TTLL5: variants seen among roughly 807,000 people sequenced by gnomAD.
The protein encoded by TTLL5 is tubulin polyglutamylase TTLL5.
Under a neutral mutation model 168.4 loss-of-function variants are expected in TTLL5, and 132 were observed. The ratio of observed to expected loss-of-function variants is 0.78; its 90% confidence interval spans 0.68 to 0.91. TTLL5 has a LOEUF of 0.91. Among genes scored for constraint, TTLL5 ranks in the 40% least tolerant of loss-of-function variants. The pLI, the probability that TTLL5 is intolerant of heterozygous loss-of-function variation, is 0.00. For synonymous variants in TTLL5, 546 were observed against 558.6 expected, an observed-to-expected ratio of 0.98 and a Z score of 0.32; for missense variants, 1,545 against 1,581.5, an observed-to-expected ratio of 0.98 and a Z score of 0.39.
rs567264231 is a variant in TTLL5 at position 75,779,777 on chromosome 14, A to G, written c.2515+75A>G. 1,556 of 1,473,278 alleles carry G rather than the reference A, an allele frequency of 1.1e-3. 1 individual carries two copies. The highest frequency in any genetic ancestry group is 1.4e-3 in the Admixed American group (68 of 47,674). The allele number at this position is 1,473,278 out of a possible 1,614,324, so 91.3% of individuals were successfully genotyped here. A position where few individuals can be genotyped will look rare whatever the true frequency, so the allele number is the denominator to read the frequency against. Reference sequence around the variant, plus strand: ...TGAGAAATGCAAAGGAGAATGAGGAATAATGTGTTGGCTAAGCACTAATAG... The same window carrying G: ...TGAGAAATGCAAAGGAGAATGAGGAGTAATGTGTTGGCTAAGCACTAATAG... On this transcript the variant is annotated intron_variant, in intron 24 of 31. Coordinates refer to ENST00000298832, the MANE Select transcript of TTLL5 (RefSeq NM_015072.5).
At chr14:75,667,069 T>C (rs1410052565) in intron 2 of TTLL5, among the ~76,000 whole-genome samples, 1 of 145,118 alleles carries the variant, frequency 6.9e-6, no homozygotes, top group East Asian at 2.0e-4. Context: ...CCTTAAGTGC[T>C]TTTTTTTTTT....
rs377388883 is a variant in TTLL5, at chr14:75,863,715, C to T, written c.3375C>T (p.Asn1125=). The stretch of plus-strand genomic sequence containing the variant: ...CCTGGGAAGGAGAAGTAGAAAACAA[C>T]GTGTACAGCCAGGCTACAGGGGTGG... ...GFAWEGEVEN[N]VYSQATGVVP... The change falls in exon 29 of 32, where the codon AAC becomes AAT. Residue 1125 remains asparagine, a synonymous_variant. Coordinates refer to ENST00000298832, the MANE Select transcript of TTLL5 (RefSeq NM_015072.5). 50 of 1,611,814 alleles carry T rather than the reference C, an allele frequency of 3.1e-5. No homozygotes were observed. The highest frequency in any genetic ancestry group is 1.7e-4 in the Middle Eastern group (1 of 5,942).
intron 27 of TTLL5, among the ~76,000 whole-genome samples, chr14:75,813,583 G>A (rs541002007): frequency 5.9e-5 from 9 of 152,252 alleles, no homozygotes; most frequent in African/African-American, 2.2e-4. Context: ...TATTACAGGT[G>A]TGAGCCACCG....
intron 28 of TTLL5, among the ~76,000 whole-genome samples, chr14:75,853,150 C>T (rs1280528090): frequency 2.0e-5 from 3 of 152,174 alleles, no homozygotes; most frequent in African/African-American, 7.2e-5. Flanking sequence ...CTTTCAGAGC[C>T]AACCATTCTT....
At chr14:75,860,986 C>A (rs2029932183) in intron 28 of TTLL5, among the ~76,000 whole-genome samples, 1 of 152,162 alleles carries the variant, frequency 6.6e-6, no homozygotes, top group Non-Finnish European at 1.5e-5. Flanking sequence ...TCAGTGCTCA[C>A]CATGTTTCTC....
chr14:75,928,734 G>A (rs1257907692), intron 31 of TTLL5, among the ~76,000 whole-genome samples: 1 of 152,010 alleles, frequency 6.6e-6, no homozygotes, highest in Non-Finnish European at 1.5e-5. Context: ...CTTCTGTCCT[G>A]GGCTGTCCCC....
chr14:75,926,020 G>A (rs1379823625), intron 31 of TTLL5, among the ~76,000 whole-genome samples: 1 of 151,548 alleles, frequency 6.6e-6, no homozygotes, highest in Non-Finnish European at 1.5e-5. Flanking sequence ...GCTTCGCCTT[G>A]GCATCAGAGG....
At chr14:75,672,972 T>C (rs1470289188) in intron 3 of TTLL5, among the ~76,000 whole-genome samples, 1 of 152,158 alleles carries the variant, frequency 6.6e-6, no homozygotes, top group Non-Finnish European at 1.5e-5. Flanking sequence ...AAAGTCTCAC[T>C]CTGTCACCCA....
At chr14:75,743,180 G>A (rs928362327) in intron 15 of TTLL5, among the ~76,000 whole-genome samples, 1 of 152,150 alleles carries the variant, frequency 6.6e-6, no homozygotes, top group African/African-American at 2.4e-5. Flanking sequence ...TGATTTCATC[G>A]TTTTCTTGAT....
At chr14:75,764,116 C>T (rs2140296086) in intron 18 of TTLL5, among the ~76,000 whole-genome samples, 1 of 152,306 alleles carries the variant, frequency 6.6e-6, no homozygotes, top group South Asian at 2.1e-4. Flanking sequence ...CACGTATTCA[C>T]AGATCATCAG....
At chr14:75,685,768 T>C (rs1566814006) in intron 5 of TTLL5, among the ~76,000 whole-genome samples, 1 of 152,226 alleles carries the variant, frequency 6.6e-6, no homozygotes, top group Non-Finnish European at 1.5e-5. Flanking sequence ...CAGGTAAATA[T>C]GTACCTAGAA....
At chr14:75,765,257 G>A (rs1346213462) in intron 19 of TTLL5, among the ~76,000 whole-genome samples, 4 of 151,998 alleles carry the variant, frequency 2.6e-5, no homozygotes, top group East Asian at 1.9e-4. Flanking sequence ...TCCTGTGAAC[G>A]TCTGTGTCAG....
At chr14:75,743,362 C>T (rs574533210) in intron 15 of TTLL5, among the ~76,000 whole-genome samples, 5 of 152,130 alleles carry the variant, frequency 3.3e-5, no homozygotes, top group African/African-American at 1.2e-4. Context: ...AACAAAATGC[C>T]ATAGGCTGGG....
At chr14:75,849,917 A>G (rs1344261917) in intron 28 of TTLL5, among the ~76,000 whole-genome samples, 1 of 152,058 alleles carries the variant, frequency 6.6e-6, no homozygotes, top group Non-Finnish European at 1.5e-5. Context: ...CCTGGGCAAC[A>G]GGTTTGAGAC....
intron 31 of TTLL5, among the ~76,000 whole-genome samples, chr14:75,922,403 T>TCC (rs1400813959): frequency 6.6e-6 from 1 of 152,184 alleles, no homozygotes; most frequent in Non-Finnish European, 1.5e-5. Context: ...TGAGATACAT[T>TCC]CCATCAATAC....
At chr14:75,919,406 C>CA (rs1230784781) in intron 31 of TTLL5, among the ~76,000 whole-genome samples, 1 of 151,714 alleles carries the variant, frequency 6.6e-6, no homozygotes, top group African/African-American at 2.4e-5. Flanking sequence ...CTACAGTAAC[C>CA]AAAACAGTAT....
chr14:75,841,355 T>A (rs1271657301), intron 28 of TTLL5, among the ~76,000 whole-genome samples: 1 of 152,168 alleles, frequency 6.6e-6, no homozygotes, highest in East Asian at 1.9e-4. Context: ...CAAACACACA[T>A]ACCCACAGCA....
intron 26 of TTLL5, among the ~76,000 whole-genome samples, chr14:75,785,283 G>T (rs1473683623): frequency 6.7e-6 from 1 of 150,252 alleles, no homozygotes; most frequent in East Asian, 2.0e-4. Flanking sequence ...AGGTTCAAGC[G>T]ATTCTCTTGC....
intron 29 of TTLL5, among the ~76,000 whole-genome samples, chr14:75,865,275 T>TA: frequency 6.6e-6 from 1 of 152,122 alleles, no homozygotes; most frequent in East Asian, 1.9e-4. Context: ...TGTTTTTTTT[T>TA]TTTAATCTGT....
Sources: gnomAD v4.1 joint callset for allele counts (sites outside exome capture counted in the v4.1 genomes callset) on GRCh38, gnomAD v4.1.1 for gene constraint, MANE v1.5 for transcripts, NCBI Gene and HGNC (gene_info 2026-07-23, HGNC 2026-07-21) for gene names.